Variants in ACACA observed in about 807,000 individuals in gnomAD.
The protein encoded by ACACA is acetyl-CoA carboxylase 1.
Under a neutral mutation model 296.1 loss-of-function variants are expected in ACACA, and 103 were observed. That is an observed-to-expected ratio of 0.35 (90% CI 0.30 to 0.41). The LOEUF (loss-of-function observed/expected upper bound fraction) is 0.41, where lower values mean the gene tolerates loss of function less well. Ranked by LOEUF, ACACA falls within the 10% of genes least tolerant of loss-of-function variation. ACACA has a pLI of 1.00. For missense variants in ACACA, 1,554 were observed against 2,989.7 expected, an observed-to-expected ratio of 0.52 and a Z score of 11.20; for synonymous variants, 953 against 1,038.6, an observed-to-expected ratio of 0.92 and a Z score of 1.58.
At chr17:37,101,016 G>T (rs528654127) in intron 52 of ACACA, among the ~76,000 whole-genome samples, 1 of 150,978 alleles carries the variant, frequency 6.6e-6, no homozygotes, top group South Asian at 2.1e-4. Flanking sequence ...AGAATTGCTT[G>T]AACCCGGGAA....
At chr17:37,208,690 T>C (rs1427272267) in intron 30 of ACACA, among the ~76,000 whole-genome samples, 2 of 152,214 alleles carry the variant, frequency 1.3e-5, no homozygotes, top group African/African-American at 4.8e-5. Context: ...TGAATCTCTA[T>C]ATTTCTTGAT....
chr17:37,146,279 C>T (rs1302586093), intron 45 of ACACA, among the ~76,000 whole-genome samples: 7 of 152,132 alleles, frequency 4.6e-5, no homozygotes, highest in African/African-American at 1.4e-4. Context: ...CAGGCGCACA[C>T]ATGCAATGTA....
At chr17:37,193,316 T>C (rs2077840003) in intron 36 of ACACA, 58 bp downstream of exon 36, 12 of 1,341,038 alleles carry the variant, frequency 8.9e-6, no homozygotes, top group Middle Eastern at 1.8e-4. Context: ...TAAGCCGCTC[T>C]TGGGCTTTTA....
chr17:37,263,972 T>C lies in ACACA; in HGVS notation c.1120-78A>G, dbSNP rs372397034. On this transcript the variant is annotated intron_variant, in intron 10 of 55. Coordinates refer to ENST00000616317, the MANE Select transcript of ACACA (RefSeq NM_198834.3). ...TATCTATCTTGATAAGCTACTTTGA[T>C]TTCAACAAGCAGATGTCCAGAAGTG... The C allele has an allele frequency of 7.1e-4, 862 of 1,208,080 alleles. 9 individuals are homozygous for C. The highest frequency in any genetic ancestry group is 3.5e-3 in the Middle Eastern group (18 of 5,142). The allele number at this position is 1,208,080 out of a possible 1,614,324, so 74.8% of individuals were successfully genotyped here.
intron 5 of ACACA, 125 bp downstream of exon 5, chr17:37,283,141 TA>T (rs2082619775): frequency 1.7e-6 from 2 of 1,170,446 alleles, no homozygotes; most frequent in African/African-American, 3.1e-5. Context: ...GAAATTATTT[TA>T]AAAGGATTTT....
At chr17:37,254,054 A>G (rs1289719464) in intron 14 of ACACA, among the ~76,000 whole-genome samples, 1 of 152,212 alleles carries the variant, frequency 6.6e-6, no homozygotes, top group Non-Finnish European at 1.5e-5. Context: ...TCTATCCTGC[A>G]CGGGACAGGT....
intron 33 of ACACA, among the ~76,000 whole-genome samples, chr17:37,201,886 C>T (rs1321728937): frequency 6.6e-6 from 1 of 152,000 alleles, no homozygotes; most frequent in Non-Finnish European, 1.5e-5. Flanking sequence ...TTCAATTCTG[C>T]GATGGCATTG....
chr17:37,217,260 C>CAA lies in ACACA; in HGVS notation c.3683+4462_3683+4463dup, dbSNP rs34419580. 6.6e-3 allele frequency among the ~76,000 whole-genome samples: 279 copies of CAA among 42,184 alleles called. 6 individuals are homozygous for CAA. The highest frequency in any genetic ancestry group is 8.7e-3 in the Non-Finnish European group (190 of 21,778). 27.7% of individuals were successfully genotyped at this position (42,184 alleles called of 152,430 possible). A position where few individuals can be genotyped will look rare whatever the true frequency, so the allele number is the denominator to read the frequency against. ...TGGGCAACAAGAGCAAACTCTATCT[C>CAA]AAAAAAAAAAAAAAAAAAAAAAAAA... On this transcript the variant is annotated intron_variant, in intron 29 of 55. Transcript: ENST00000616317.
At chr17:37,394,710 A>AC (rs2051018270) in intron 1 of ACACA, among the ~76,000 whole-genome samples, 5 of 134,218 alleles carry the variant, frequency 3.7e-5, no homozygotes, top group Non-Finnish European at 8.2e-5. Flanking sequence ...CCCTATCTCT[A>AC]CTAAAAAAAA....
At position 37,321,550 on chromosome 17, in the gene ACACA, C is replaced by A. The variant is rs182778686; in HGVS notation, c.338+8623G>T. On this transcript the variant is annotated intron_variant, in intron 3 of 55. Coordinates refer to ENST00000616317, the MANE Select transcript of ACACA (RefSeq NM_198834.3). ...GGATCATGAGGTCAGGAGATCGATA[C>A]CATCCTGGCTAACACAGAGAAACCC... 2.1e-3 allele frequency among the ~76,000 whole-genome samples: 317 copies of A among 152,066 alleles called. 5 individuals carry two copies. Among genetic ancestry groups the A allele is most frequent in the Admixed American group, 0.019 (292 of 15,258 alleles).
chr17:37,340,570 C>T (rs1320430289), intron 1 of ACACA, among the ~76,000 whole-genome samples: 3 of 152,152 alleles, frequency 2.0e-5, no homozygotes, highest in South Asian at 2.1e-4. Context: ...GAGAACCACT[C>T]GTTAAGGGCA....
chr17:37,256,034 A>C (rs1327646235), intron 14 of ACACA, among the ~76,000 whole-genome samples: 2 of 152,202 alleles, frequency 1.3e-5, no homozygotes, highest in Non-Finnish European at 2.9e-5. Context: ...GGTGTGAGCC[A>C]CCGTGCCCAG....
At chr17:37,109,776 A>G (rs1021113163) in intron 52 of ACACA, among the ~76,000 whole-genome samples, 1 of 152,176 alleles carries the variant, frequency 6.6e-6, no homozygotes, top group African/African-American at 2.4e-5. Flanking sequence ...ACCCCTCACC[A>G]TCCAGTCCTT....
At chr17:37,255,977 C>T (rs1483433533) in intron 14 of ACACA, among the ~76,000 whole-genome samples, 1 of 152,084 alleles carries the variant, frequency 6.6e-6, no homozygotes, top group Non-Finnish European at 1.5e-5. Flanking sequence ...AAACTCCTGA[C>T]CTTAAGTGAT....
intron 9 of ACACA, 33 bp downstream of exon 9, chr17:37,274,160 G>T: frequency 6.4e-7 from 1 of 1,558,326 alleles, no homozygotes; most frequent in South Asian, 1.1e-5. Flanking sequence ...CTGGTCAGCT[G>T]AAAGGTATCA....
chr17:37,391,216 T>C (rs2050870104), intron 1 of ACACA, among the ~76,000 whole-genome samples: 1 of 152,126 alleles, frequency 6.6e-6, no homozygotes, highest in African/African-American at 2.4e-5. Flanking sequence ...GCAGCCTCGG[T>C]GACAGAGCGA....
intron 47 of ACACA, among the ~76,000 whole-genome samples, chr17:37,127,237 G>C (rs948280942): frequency 6.6e-6 from 1 of 152,062 alleles, no homozygotes; most frequent in Non-Finnish European, 1.5e-5. Context: ...CAAATTTCTA[G>C]GTTCATCAGA....
At position 37,257,882 on chromosome 17, in the gene ACACA, G is replaced by C. The variant is rs190325922; in HGVS notation, c.1663-16C>G. 26 of 1,613,380 alleles carry C rather than the reference G, an allele frequency of 1.6e-5. No individual in the cohort carries two copies. On this transcript the variant is annotated splice_polypyrimidine_tract_variant and intron_variant, in intron 13 of 55. Transcript: ENST00000616317. Reference sequence around the variant, plus strand: ...GCTTAAAACCCTGTTAGAGAATAAAGAATGAGAGACCATATTATGTTTCGA... The same window carrying C: ...GCTTAAAACCCTGTTAGAGAATAAACAATGAGAGACCATATTATGTTTCGA...
Position 37,207,749 on chromosome 17 carries a change from A to T in ACACA, c.3759T>A (p.Ser1253Arg). 4 of 1,613,970 alleles carry T rather than the reference A, an allele frequency of 2.5e-6. No individual in the cohort carries two copies. The highest frequency in any genetic ancestry group is 3.4e-6 in the Non-Finnish European group (4 of 1,179,848). ...LNHYGMTHVA[S>R]VSDVLLDNSF... ...AGTTGTCCAACAGTACATCGCTGAC[A>T]CTAGCTACATGGGTCATGCCATAGT... The change falls in exon 31 of 56, where the codon AGT becomes AGA. Residue 1253 changes from serine (S) to arginine (R), a missense_variant. By Grantham distance (110) the Ser-to-Arg change is moderately radical. Transcript: ENST00000616317.
Sources: allele counts gnomAD v4.1 joint callset (sites outside exome capture counted in the v4.1 genomes callset), GRCh38; gene constraint gnomAD v4.1.1; transcripts MANE v1.5; gene names NCBI Gene and HGNC (gene_info 2026-07-23, HGNC 2026-07-21).